The following MRPS35 variants were observed in gnomAD, a reference collection of about 807,000 sequenced individuals.
MRPS35 encodes mitochondrial ribosomal protein S35, also known as small ribosomal subunit protein mS35.
Under a neutral mutation model 32.7 loss-of-function variants are expected in MRPS35, and 29 were observed. The ratio of observed to expected loss-of-function variants is 0.89; its 90% CI spans 0.66 to 1.21. The LOEUF (loss-of-function observed/expected upper bound fraction) is 1.21, where lower values mean the gene tolerates loss of function less well. MRPS35 is among the 50% of genes most tolerant of loss of function. The probability of loss-of-function intolerance (pLI) is 0.00; values close to 1 mark genes in which losing one functional copy is unlikely to be tolerated. For missense variants in MRPS35, 373 were observed against 383.8 expected (o/e 0.97, Z 0.23); for synonymous variants, 148 against 139.3 (o/e 1.06, Z -0.44).
At chr12:27,731,760 G>A (rs2061922982) in intron 5 of MRPS35, among the ~76,000 whole-genome samples, 2 of 152,158 alleles carry the variant, frequency 1.3e-5, no homozygotes, top group South Asian at 4.2e-4. Context: ...GTAGAGATGG[G>A]GTTTCACCAT....
chr12:27,726,436 A>C (rs1055263793), intron 5 of MRPS35, among the ~76,000 whole-genome samples: 3 of 152,140 alleles, frequency 2.0e-5, no homozygotes, highest in Non-Finnish European at 4.4e-5. Context: ...TTGGATGAAT[A>C]ATGCTGTTGA....
At chr12:27,733,369 G>T (rs1472742682) in intron 5 of MRPS35, among the ~76,000 whole-genome samples, 1 of 152,094 alleles carries the variant, frequency 6.6e-6, no homozygotes, top group African/African-American at 2.4e-5. Flanking sequence ...ATGTGAATGT[G>T]ATCTTACATT....
Position 27,716,473 on chromosome 12 carries a change from T to C in MRPS35, c.321+15T>C. The C allele has an allele frequency of 6.2e-7, 1 of 1,613,826 alleles. No individual in the cohort carries two copies. On this transcript the variant is annotated intron_variant, in intron 3 of 7. Coordinates refer to ENST00000081029, the MANE Select transcript of MRPS35 (RefSeq NM_021821.4). ...AACTTTTAAAGGTAAGACAAATTGC[T>C]GATTCATTGGCTCAGACTTACATAG...
intron 7 of MRPS35, among the ~76,000 whole-genome samples, chr12:27,747,930 G>GCA (rs1248725847): frequency 2.0e-5 from 3 of 152,156 alleles, no homozygotes; most frequent in Non-Finnish European, 4.4e-5. Flanking sequence ...GTGGTTTTGG[G>GCA]CAAATTATTC....
chr12:27,738,062 G>A (rs1178503892), intron 7 of MRPS35, among the ~76,000 whole-genome samples: 3 of 152,086 alleles, frequency 2.0e-5, no homozygotes, highest in African/African-American at 7.2e-5. Context: ...TTATGCATTA[G>A]GTAGAACTAA....
At chr12:27,750,845 G>A (rs1173746071) in intron 7 of MRPS35, among the ~76,000 whole-genome samples, 1 of 152,086 alleles carries the variant, frequency 6.6e-6, no homozygotes, top group Non-Finnish European at 1.5e-5. Flanking sequence ...GCTCATGCCT[G>A]TAATCCCAGC....
rs370397463 is a variant in MRPS35, at chr12:27,743,977, C to T, written c.702+6369C>T. Reference sequence around the variant, plus strand: ...AGACACAAACATTTGGTCTGTAGCACGGGTTCTATAATTTACCATTTCATT... The same window carrying T: ...AGACACAAACATTTGGTCTGTAGCATGGGTTCTATAATTTACCATTTCATT... On this transcript the variant is annotated intron_variant, in intron 7 of 7. Transcript: ENST00000081029. Among the ~76,000 whole-genome samples, 22 of 152,296 alleles carry T rather than the reference C, an allele frequency of 1.4e-4. No homozygotes were observed. The East Asian group carries it at 1.9e-3, about 13-fold the overall frequency.
intron 5 of MRPS35, among the ~76,000 whole-genome samples, chr12:27,728,689 A>C (rs1052884126): frequency 2.6e-5 from 4 of 152,076 alleles, no homozygotes; most frequent in Non-Finnish European, 4.4e-5. Flanking sequence ...TGTTATCTGG[A>C]ATGGCAAACA....
intron 6 of MRPS35, 40 bp from the exon 7 acceptor site, chr12:27,737,499 G>C (rs1302048664): frequency 6.4e-7 from 1 of 1,556,220 alleles, no homozygotes. Context: ...TGTGTACTGA[G>C]TTTTTAGAAT....
intron 2 of MRPS35, among the ~76,000 whole-genome samples, chr12:27,715,483 G>T (rs1342625217): frequency 6.6e-6 from 1 of 152,188 alleles, no homozygotes; most frequent in East Asian, 1.9e-4. Context: ...ATTCTAACTA[G>T]TTGAGTCTCA....
At chr12:27,722,449 A>G (rs896893783) in intron 4 of MRPS35, among the ~76,000 whole-genome samples, 5 of 152,224 alleles carry the variant, frequency 3.3e-5, no homozygotes, top group Non-Finnish European at 7.3e-5. Flanking sequence ...TTTTAGACAT[A>G]TAATTTAGGT....
chr12:27,719,147 G>T (rs936702154), intron 3 of MRPS35, among the ~76,000 whole-genome samples: 1 of 152,068 alleles, frequency 6.6e-6, no homozygotes, highest in Admixed American at 6.6e-5. Flanking sequence ...TTTTATAAAG[G>T]AAATATACAT....
chr12:27,751,656 C>T (rs187739240), intron 7 of MRPS35, among the ~76,000 whole-genome samples: 454 of 152,292 alleles, frequency 3.0e-3, no homozygotes, highest in African/African-American at 0.01. Flanking sequence ...GTCCTGGCTC[C>T]CTCCTGTCCA....
At chr12:27,712,442 G>A (rs906163998) in intron 1 of MRPS35, among the ~76,000 whole-genome samples, 6 of 152,232 alleles carry the variant, frequency 3.9e-5, no homozygotes, top group African/African-American at 1.4e-4. Flanking sequence ...ATCACTGGCT[G>A]CTTTACTGGG....
intron 5 of MRPS35, among the ~76,000 whole-genome samples, chr12:27,733,865 C>G (rs2061931976): frequency 6.6e-6 from 1 of 152,134 alleles, no homozygotes; most frequent in South Asian, 2.1e-4. Context: ...ATACAAAATA[C>G]AAAAATTCAC....
chr12:27,731,862 C>T (rs1385602926), intron 5 of MRPS35, among the ~76,000 whole-genome samples: 1 of 152,226 alleles, frequency 6.6e-6, no homozygotes, highest in Non-Finnish European at 1.5e-5. Flanking sequence ...AGCCACCGCA[C>T]CTGGCCTGTG....
intron 1 of MRPS35, among the ~76,000 whole-genome samples, chr12:27,714,087 A>AT (rs1310565161): frequency 6.6e-6 from 1 of 151,830 alleles, no homozygotes; most frequent in Non-Finnish European, 1.5e-5. Context: ...AAAAAAAAAA[A>AT]AAAAAAAGAA....
chr12:27,727,186 C>A (rs1028453993), intron 5 of MRPS35, among the ~76,000 whole-genome samples: 1 of 152,060 alleles, frequency 6.6e-6, no homozygotes, highest in Non-Finnish European at 1.5e-5. Context: ...TGGTCTCGAT[C>A]TCCTGACCTT....
intron 5 of MRPS35, 23 bp from the exon 6 acceptor site, chr12:27,735,424 A>G (rs772206473): frequency 5.3e-6 from 8 of 1,520,638 alleles, no homozygotes; most frequent in Non-Finnish European, 7.2e-6. Flanking sequence ...TTATTTTTTC[A>G]AATAACTTTT....
Sources: allele counts gnomAD v4.1 joint callset (sites outside exome capture counted in the v4.1 genomes callset), GRCh38; gene constraint gnomAD v4.1.1; transcripts MANE v1.5; gene names NCBI Gene and HGNC (gene_info 2026-07-23, HGNC 2026-07-21).